ABI2: variants seen among roughly 807,000 people sequenced by gnomAD.
ABI2 encodes abelson interactor 2.
In ABI2, 25 loss-of-function variants were observed where a neutral mutation model predicts 59.2. That is an observed-to-expected ratio of 0.42 (90% confidence interval 0.31 to 0.59). ABI2 has a LOEUF of 0.59. Ranked by LOEUF, ABI2 falls within the 20% of genes least tolerant of loss-of-function variation. The pLI is 0.14. For synonymous variants in ABI2, 213 were observed against 235.5 expected (o/e 0.90, Z 0.87); for missense variants, 545 against 681.8 (o/e 0.80, Z 2.23).
chr2:203,364,081 G>A (rs1248477470), intron 1 of ABI2, among the ~76,000 whole-genome samples: 1 of 149,306 alleles, frequency 6.7e-6, no homozygotes. Flanking sequence ...TATTTTCTTT[G>A]TCCATTCATC....
intron 11 of ABI2, among the ~76,000 whole-genome samples, chr2:203,419,628 C>A (rs1231724692): frequency 6.7e-6 from 1 of 149,744 alleles, no homozygotes; most frequent in African/African-American, 2.5e-5. Context: ...CTGCCCACCT[C>A]TGCCTCCCAA....
At chr2:203,423,861 C>A (rs2098327148) in intron 11 of ABI2, among the ~76,000 whole-genome samples, 1 of 152,104 alleles carries the variant, frequency 6.6e-6, no homozygotes, top group Non-Finnish European at 1.5e-5. Flanking sequence ...GTTTTACAGA[C>A]CTTCATAAAA....
chr2:203,339,677 C>T (rs2078763365), intron 1 of ABI2, among the ~76,000 whole-genome samples: 2 of 152,028 alleles, frequency 1.3e-5, no homozygotes. Flanking sequence ...GGGTATATAT[C>T]CCTAGGGAAT....
At chr2:203,402,801 C>T (rs528368645) in intron 9 of ABI2, 67 bp downstream of exon 9, 2 of 1,366,298 alleles carry the variant, frequency 1.5e-6, no homozygotes, top group Non-Finnish European at 2.0e-6. Flanking sequence ...CTACAAAAAA[C>T]CCTTAATTAC....
At chr2:203,373,086 C>T (rs370055393) in intron 2 of ABI2, among the ~76,000 whole-genome samples, 81 of 152,300 alleles carry the variant, frequency 5.3e-4, no homozygotes, top group East Asian at 2.5e-3. Flanking sequence ...GCTGCAATCT[C>T]GGCACTTTGG....
At chr2:203,357,622 T>C (rs1015182282) in intron 1 of ABI2, among the ~76,000 whole-genome samples, 14 of 152,234 alleles carry the variant, frequency 9.2e-5, no homozygotes, top group African/African-American at 3.1e-4. Flanking sequence ...TCTAGGCAGA[T>C]GATATAACAT....
intron 1 of ABI2, among the ~76,000 whole-genome samples, chr2:203,358,734 G>A (rs1222335766): frequency 6.6e-6 from 1 of 152,244 alleles, no homozygotes; most frequent in Admixed American, 6.5e-5. Flanking sequence ...ATCCAGCCAG[G>A]CATGGTGATT....
intron 1 of ABI2, chr2:203,342,069 A>T (rs925035456): frequency 1.2e-5 from 4 of 336,410 alleles, no homozygotes; most frequent in Non-Finnish European, 2.3e-5. Context: ...AATTATGTTC[A>T]TTTTTTTTTT....
At chr2:203,341,060 C>T (rs550423125) in intron 1 of ABI2, among the ~76,000 whole-genome samples, 14 of 152,300 alleles carry the variant, frequency 9.2e-5, no homozygotes, top group Admixed American at 3.9e-4. Context: ...AAGATAGTTG[C>T]ATGATTGGTT....
chr2:203,395,593 G>C (rs1454541576), intron 6 of ABI2, 63 bp from the exon 7 acceptor site: 50 of 1,510,306 alleles, frequency 3.3e-5, no homozygotes, highest in Non-Finnish European at 3.8e-5. Flanking sequence ...AAAATGTCGG[G>C]AAGTGCTGAT....
intron 1 of ABI2, among the ~76,000 whole-genome samples, chr2:203,357,845 T>C (rs1470857256): frequency 6.6e-6 from 1 of 152,110 alleles, no homozygotes; most frequent in Non-Finnish European, 1.5e-5. Flanking sequence ...CTTGGCTCAC[T>C]GCAGCCTCCG....
At chr2:203,346,485 TTGAGAAATACTGGTC>T (rs1003811142) in intron 1 of ABI2, among the ~76,000 whole-genome samples, 1 of 152,206 alleles carries the variant, frequency 6.6e-6, no homozygotes, top group Non-Finnish European at 1.5e-5. Flanking sequence ...AGGTGAGAAT[TTGAGAAATACTGGTC>T]TGTGTTTTGG....
chr2:203,430,538 A>G lies in ABI2; in HGVS notation c.*3186A>G, dbSNP rs1412510455. 6.6e-6 allele frequency: 1 copy of G among 152,240 alleles called. No homozygotes were observed. Among genetic ancestry groups the G allele is most frequent in the Admixed American group, 6.5e-5 (1 of 15,284 alleles). 9.4% of individuals were successfully genotyped at this position (152,240 alleles called of 1,614,324 possible). A position where few individuals can be genotyped will look rare whatever the true frequency, so the allele number is the denominator to read the frequency against. ...TAAATCAGAAACAAAAATAGTGCCA[A>G]TGTGTCAAAATCGACATCTGAGAGA... On this transcript the variant is annotated 3_prime_UTR_variant, in exon 12 of 12. Coordinates refer to ENST00000261018, the MANE Select transcript of ABI2 (RefSeq NM_001375670.1).
In ABI2 at chr2:203,430,604, A is replaced by G. The variant is rs1350239374; in HGVS notation, c.*3252A>G. On this transcript the variant is annotated 3_prime_UTR_variant, in exon 12 of 12. Coordinates refer to ENST00000261018, the MANE Select transcript of ABI2 (RefSeq NM_001375670.1). Reference sequence around the variant, plus strand: ...GGAATAAATATGAATCTTCTAAGCTATCTTGTTTAATATTTTCCATCATTT... The same window carrying G: ...GGAATAAATATGAATCTTCTAAGCTGTCTTGTTTAATATTTTCCATCATTT... 6 of 152,180 alleles carry G rather than the reference A, an allele frequency of 3.9e-5. No homozygotes were observed. Among genetic ancestry groups the G allele is most frequent in the South Asian group, 2.1e-4 (1 of 4,826 alleles). The allele number at this position is 152,180 out of a possible 1,614,324, so 9.4% of individuals were successfully genotyped here.
intron 11 of ABI2, among the ~76,000 whole-genome samples, chr2:203,425,040 T>G (rs1267637388): frequency 6.6e-6 from 1 of 151,268 alleles, no homozygotes; most frequent in African/African-American, 2.4e-5. Flanking sequence ...TTTTTTTTTT[T>G]TTTGTATTTT....
chr2:203,372,481 C>G (rs1195582665), intron 2 of ABI2, among the ~76,000 whole-genome samples: 2 of 152,086 alleles, frequency 1.3e-5, no homozygotes, highest in Non-Finnish European at 2.9e-5. Context: ...GGCAGAGGGG[C>G]TCCTCACATC....
intron 2 of ABI2, among the ~76,000 whole-genome samples, chr2:203,373,873 T>C (rs2095492155): frequency 6.6e-6 from 1 of 152,210 alleles, no homozygotes; most frequent in South Asian, 2.1e-4. Context: ...GTCTAAAAAC[T>C]TTAGGCTGGG....
intron 2 of ABI2, among the ~76,000 whole-genome samples, chr2:203,368,653 A>C (rs2094743035): frequency 6.6e-6 from 1 of 152,142 alleles, no homozygotes; most frequent in East Asian, 1.9e-4. Flanking sequence ...GGGTTTCTTC[A>C]CATTTTATAC....
intron 4 of ABI2, among the ~76,000 whole-genome samples, chr2:203,384,286 TTTTG>T (rs528433592): frequency 0.15 from 4,830 of 31,248 alleles, 279 homozygotes; most frequent in African/African-American, 0.29. Context: ...TTGTTTTTGT[TTTTG>T]TTTTTTTTTT....
Sources: gnomAD v4.1 joint callset for allele counts (sites outside exome capture counted in the v4.1 genomes callset) on GRCh38, gnomAD v4.1.1 for gene constraint, MANE v1.5 for transcripts, NCBI Gene and HGNC (gene_info 2026-07-23, HGNC 2026-07-21) for gene names.